RPRD1A: variants seen among roughly 807,000 people sequenced by gnomAD.
RPRD1A encodes regulation of nuclear pre-mRNA domain containing 1A.
RPRD1A carries 9 observed loss-of-function variants against 37.8 expected under a neutral mutation model. That is an observed-to-expected ratio of 0.24 (90% CI 0.14 to 0.42). The LOEUF is 0.42. Ranked by LOEUF, RPRD1A falls within the 10% of genes least tolerant of loss-of-function variation. The probability of loss-of-function intolerance (pLI) is 1.00; values close to 1 mark genes in which losing one functional copy is unlikely to be tolerated. For missense variants in RPRD1A, 255 were observed against 371.0 expected (o/e 0.69, Z 2.57); for synonymous variants, 138 against 139.7 (o/e 0.99, Z 0.08).
intron 6 of RPRD1A, among the ~76,000 whole-genome samples, chr18:36,010,676 A>T (rs1348346753): frequency 6.6e-6 from 1 of 152,242 alleles, no homozygotes; most frequent in East Asian, 1.9e-4. Context: ...CATCAATCAT[A>T]TTTGAGAATA....
intron 6 of RPRD1A, among the ~76,000 whole-genome samples, chr18:36,017,911 A>AG (rs1408351406): frequency 1.3e-5 from 2 of 152,240 alleles, no homozygotes; most frequent in Non-Finnish European, 2.9e-5. Flanking sequence ...TACAATGCTA[A>AG]GGATTACTAC....
intron 6 of RPRD1A, among the ~76,000 whole-genome samples, chr18:36,013,745 C>A (rs1910319176): frequency 6.6e-6 from 1 of 151,886 alleles, no homozygotes; most frequent in African/African-American, 2.4e-5. Context: ...AATATCTTTA[C>A]AAGTAAAAAA....
chr18:36,053,775 G>A (rs766446637), intron 1 of RPRD1A, among the ~76,000 whole-genome samples: 27 of 152,154 alleles, frequency 1.8e-4, no homozygotes, highest in Non-Finnish European at 3.2e-4. Flanking sequence ...AAGGAGATCC[G>A]CTGGGAGGCT....
intron 1 of RPRD1A, among the ~76,000 whole-genome samples, chr18:36,053,359 C>A (rs72884940): frequency 0.12 from 17,600 of 152,096 alleles, 1,257 homozygotes; most frequent in East Asian, 0.25. Context: ...CTGTAGCCCC[C>A]GGAGTATTAT....
At chr18:35,999,310 A>G (rs1909279484) in intron 6 of RPRD1A, among the ~76,000 whole-genome samples, 1 of 152,158 alleles carries the variant, frequency 6.6e-6, no homozygotes, top group African/African-American at 2.4e-5. Context: ...AAGGTTATCT[A>G]ATTAAGTCTC....
intron 1 of RPRD1A, among the ~76,000 whole-genome samples, chr18:36,054,663 A>G (rs1410215122): frequency 2.0e-5 from 3 of 152,136 alleles, no homozygotes; most frequent in African/African-American, 7.2e-5. Context: ...GGAGGCTGAC[A>G]AGTCCCACGA....
At chr18:36,043,362 T>C (rs1310186963) in intron 1 of RPRD1A, among the ~76,000 whole-genome samples, 1 of 152,268 alleles carries the variant, frequency 6.6e-6, no homozygotes, top group Non-Finnish European at 1.5e-5. Flanking sequence ...GGTGCATTTA[T>C]CCATGGCTTC....
intron 1 of RPRD1A, among the ~76,000 whole-genome samples, chr18:36,052,123 GAA>G (rs1913439541): frequency 7.2e-6 from 1 of 139,628 alleles, no homozygotes; most frequent in Admixed American, 7.4e-5. Flanking sequence ...CACGAGACCA[GAA>G]AACAGTGAGA....
intron 1 of RPRD1A, among the ~76,000 whole-genome samples, chr18:36,066,200 T>C (rs1246525757): frequency 6.6e-6 from 1 of 152,162 alleles, no homozygotes; most frequent in Non-Finnish European, 1.5e-5. Context: ...CAAGGATGGG[T>C]GACGTTTTCA....
chr18:36,049,328 T>C (rs549463313), intron 1 of RPRD1A, among the ~76,000 whole-genome samples: 96 of 152,342 alleles, frequency 6.3e-4, no homozygotes, highest in African/African-American at 2.2e-3. Context: ...AATTTCTTTT[T>C]TAAACTGTGT....
intron 6 of RPRD1A, among the ~76,000 whole-genome samples, chr18:36,002,498 C>G (rs1765641678): frequency 6.6e-6 from 1 of 152,160 alleles, no homozygotes; most frequent in Non-Finnish European, 1.5e-5. Context: ...CAGCCTTAAC[C>G]TCTTGGGCTC....
At chr18:36,036,297 C>T (rs1190176012) in intron 1 of RPRD1A, among the ~76,000 whole-genome samples, 1 of 152,030 alleles carries the variant, frequency 6.6e-6, no homozygotes, top group Non-Finnish European at 1.5e-5. Flanking sequence ...TGGTCTTGAA[C>T]TCCTGAGCTC....
At chr18:36,025,146 T>A (rs190274037) in intron 6 of RPRD1A, 78 of 152,564 alleles carry the variant, frequency 5.1e-4, no homozygotes, top group African/African-American at 1.7e-3. Flanking sequence ...GGAAGCAATG[T>A]GTCTTTTTGA....
chr18:35,997,822 T>C (rs180750601), intron 6 of RPRD1A, among the ~76,000 whole-genome samples: 38 of 152,320 alleles, frequency 2.5e-4, no homozygotes, highest in Admixed American at 2.3e-3. Flanking sequence ...GATCAAGATA[T>C]AGGCTTTTTC....
chr18:36,016,726 A>G (rs1187189810), intron 6 of RPRD1A, among the ~76,000 whole-genome samples: 1 of 152,230 alleles, frequency 6.6e-6, no homozygotes, highest in Non-Finnish European at 1.5e-5. Context: ...CTGTTCTTCA[A>G]TAGCAAGGAA....
At chr18:36,035,739 A>G (rs933722463) in intron 1 of RPRD1A, among the ~76,000 whole-genome samples, 5 of 152,264 alleles carry the variant, frequency 3.3e-5, no homozygotes, top group African/African-American at 9.6e-5. Flanking sequence ...TTATATATTC[A>G]ATAAAGTATT....
At chr18:36,064,423 C>A (rs142774399) in intron 1 of RPRD1A, 1 of 152,390 alleles carries the variant, frequency 6.6e-6, no homozygotes, top group Non-Finnish European at 1.5e-5. Context: ...CAGGTGGGGA[C>A]TTGGAAAACT....
intron 1 of RPRD1A, among the ~76,000 whole-genome samples, chr18:36,062,447 G>A (rs551336222): frequency 1.4e-5 from 2 of 146,150 alleles, no homozygotes; most frequent in South Asian, 2.2e-4. Flanking sequence ...AAGTATCCAA[G>A]ATGAAAACAT....
chr18:36,009,313 G>A (rs1051621860), intron 6 of RPRD1A, among the ~76,000 whole-genome samples: 5 of 151,950 alleles, frequency 3.3e-5, no homozygotes, highest in East Asian at 1.9e-4. Context: ...CTTTTCCCCC[G>A]TTCCAAGCTC....
Sources: allele counts gnomAD v4.1 joint callset (sites outside exome capture counted in the v4.1 genomes callset), GRCh38; gene constraint gnomAD v4.1.1; transcripts MANE v1.5; gene names NCBI Gene and HGNC (gene_info 2026-07-23, HGNC 2026-07-21).